The following MAGI1 variants were observed in gnomAD, a reference collection of about 807,000 sequenced individuals.
MAGI1 encodes membrane associated guanylate kinase, WW and PDZ domain containing 1, also known as membrane-associated guanylate kinase, WW and PDZ domain-containing protein 1.
Under a neutral mutation model 139.9 loss-of-function variants are expected in MAGI1, and 58 were observed. The observed-to-expected ratio is 0.41, with a 90% confidence interval of 0.34 to 0.52. The LOEUF is 0.52. Among genes scored for constraint, MAGI1 ranks in the 20% least tolerant of loss-of-function variants. The pLI is 0.12. For synonymous variants in MAGI1, 812 were observed against 737.9 expected, an observed-to-expected ratio of 1.10 and a Z score of -1.63; for missense variants, 1,874 against 1,901.6, an observed-to-expected ratio of 0.99 and a Z score of 0.27.
intron 2 of MAGI1, among the ~76,000 whole-genome samples, chr3:65,603,602 C>A (rs2082584863): frequency 6.6e-6 from 1 of 152,200 alleles, no homozygotes; most frequent in African/African-American, 2.4e-5. Flanking sequence ...CCCTAAGAAA[C>A]TGAAAAGCCT....
chr3:65,811,216 G>A (rs528893462), intron 1 of MAGI1, among the ~76,000 whole-genome samples: 2 of 152,196 alleles, frequency 1.3e-5, no homozygotes, highest in East Asian at 1.9e-4. Context: ...AACATTTGAA[G>A]AGCACCTATT....
intron 1 of MAGI1, among the ~76,000 whole-genome samples, chr3:65,866,021 G>A (rs2059712589): frequency 6.6e-6 from 1 of 151,980 alleles, no homozygotes; most frequent in South Asian, 2.1e-4. Context: ...AGAAAAATAG[G>A]TTTCAAAACA....
chr3:65,491,604 G>T (rs1422147154), intron 3 of MAGI1, among the ~76,000 whole-genome samples: 1 of 152,018 alleles, frequency 6.6e-6, no homozygotes, highest in Non-Finnish European at 1.5e-5. Flanking sequence ...AACCAAAGAG[G>T]AGTCACACAT....
At chr3:65,963,241 G>T (rs575007002) in intron 1 of MAGI1, among the ~76,000 whole-genome samples, 1 of 149,324 alleles carries the variant, frequency 6.7e-6, no homozygotes, top group South Asian at 2.2e-4. Flanking sequence ...GAACCCGGGA[G>T]GTGGAGGTTG....
intron 2 of MAGI1, chr3:65,597,876 C>T: frequency 2.2e-6 from 1 of 456,230 alleles, no homozygotes; most frequent in Non-Finnish European, 4.4e-6. Context: ...AAACCGCCTC[C>T]CACCACGCTG....
chr3:65,778,093 C>T lies in MAGI1; in HGVS notation c.314-156005G>A, dbSNP rs924041381. On this transcript the variant is annotated intron_variant, in intron 1 of 22. Transcript: ENST00000402939. ...AAAGCCCCACAACAGCCATGTGATA[C>T]ACAGTTTACAGCACTAACTTAATGA... is the stretch of plus-strand genomic sequence containing the variant. Among the ~76,000 whole-genome samples, 6 of 152,140 alleles carry T rather than the reference C, an allele frequency of 3.9e-5. No individual in the cohort carries two copies. The East Asian group carries it at 5.8e-4, about 15-fold the overall frequency.
intron 2 of MAGI1, among the ~76,000 whole-genome samples, chr3:65,524,574 A>C (rs185690965): frequency 4.6e-5 from 7 of 152,324 alleles, no homozygotes; most frequent in Admixed American, 4.6e-4. Context: ...GCTCAAATAG[A>C]AACGAGGATG....
intron 13 of MAGI1, among the ~76,000 whole-genome samples, chr3:65,391,568 G>T (rs1031439712): frequency 6.6e-6 from 1 of 152,138 alleles, no homozygotes; most frequent in Non-Finnish European, 1.5e-5. Context: ...CAGATAGGAA[G>T]ACATAATCAT....
At chr3:66,021,566 G>C (rs1026752475) in intron 1 of MAGI1, among the ~76,000 whole-genome samples, 8 of 152,162 alleles carry the variant, frequency 5.3e-5, no homozygotes, top group African/African-American at 1.9e-4. Context: ...TGGAAGAAAG[G>C]CCAATATTTT....
intron 1 of MAGI1, among the ~76,000 whole-genome samples, chr3:65,774,858 G>T (rs1394100771): frequency 5.9e-5 from 9 of 152,128 alleles, no homozygotes; most frequent in Non-Finnish European, 1.3e-4. Flanking sequence ...AGAAGATTTT[G>T]ATTTCTGTCT....
intron 1 of MAGI1, among the ~76,000 whole-genome samples, chr3:65,891,885 AATATATATATATATATATAT>A (rs55826911): frequency 0.024 from 883 of 37,534 alleles, 44 homozygotes; most frequent in Admixed American, 0.092. Context: ...CTTAAAGTAT[AATATATATATATATATATAT>A]ATATATATAT....
At chr3:65,814,842 G>T (rs968029234) in intron 1 of MAGI1, among the ~76,000 whole-genome samples, 17 of 152,126 alleles carry the variant, frequency 1.1e-4, no homozygotes, top group Non-Finnish European at 2.2e-4. Context: ...ACATAAAATG[G>T]TTCATTTATA....
intron 1 of MAGI1, among the ~76,000 whole-genome samples, chr3:65,713,286 C>A (rs556639397): frequency 6.6e-6 from 1 of 152,206 alleles, no homozygotes; most frequent in Admixed American, 6.5e-5. Context: ...GAAACTAGCC[C>A]GGGAAGAAAC....
intron 1 of MAGI1, among the ~76,000 whole-genome samples, chr3:65,723,358 C>T (rs942184534): frequency 2.0e-5 from 3 of 152,164 alleles, no homozygotes; most frequent in Admixed American, 1.3e-4. Flanking sequence ...ACTTTTCATG[C>T]AGAACATCCA....
chr3:65,380,042 T>A (rs1293494889), intron 16 of MAGI1, among the ~76,000 whole-genome samples: 2 of 152,218 alleles, frequency 1.3e-5, no homozygotes, highest in African/African-American at 4.8e-5. Flanking sequence ...AGTAAGGTGA[T>A]GGTAACGTTG....
At chr3:65,788,628 C>G (rs1034772340) in intron 1 of MAGI1, among the ~76,000 whole-genome samples, 1 of 152,192 alleles carries the variant, frequency 6.6e-6, no homozygotes, top group African/African-American at 2.4e-5. Flanking sequence ...ATCATCTCTA[C>G]GGTAGCTCAC....
At chr3:65,708,934 TCTCCCAATGC>T (rs1478691954) in intron 1 of MAGI1, among the ~76,000 whole-genome samples, 1 of 152,120 alleles carries the variant, frequency 6.6e-6, no homozygotes, top group Non-Finnish European at 1.5e-5. Context: ...CTATCACCCA[TCTCCCAATGC>T]CTCACAAATT....
At chr3:65,924,021 A>T (rs955051945) in intron 1 of MAGI1, among the ~76,000 whole-genome samples, 1 of 152,234 alleles carries the variant, frequency 6.6e-6, no homozygotes, top group Non-Finnish European at 1.5e-5. Context: ...AGAAGCAGTA[A>T]TTTATCCAAC....
chr3:65,389,034 G>A (rs972834807), intron 14 of MAGI1, among the ~76,000 whole-genome samples: 8 of 151,268 alleles, frequency 5.3e-5, no homozygotes, highest in Non-Finnish European at 1.2e-4. Context: ...TAGCAGAGAC[G>A]GGGTTTCACC....
Sources: gnomAD v4.1 joint callset for allele counts (sites outside exome capture counted in the v4.1 genomes callset) on GRCh38, gnomAD v4.1.1 for gene constraint, MANE v1.5 for transcripts, NCBI Gene and HGNC (gene_info 2026-07-23, HGNC 2026-07-21) for gene names.